Variants in KIF5C observed in about 807,000 individuals in gnomAD.
The protein encoded by KIF5C is kinesin family member 5C.
KIF5C carries 18 observed loss-of-function variants against 125.2 expected under a neutral mutation model. That is an observed-to-expected ratio of 0.14 (90% confidence interval 0.10 to 0.21). The LOEUF is 0.21. Among genes scored for constraint, KIF5C ranks in the 10% least tolerant of loss-of-function variants. The pLI, the probability that KIF5C is intolerant of heterozygous loss-of-function variation, is 1.00. For synonymous variants in KIF5C, 405 were observed against 434.0 expected (o/e 0.93, Z 0.83); for missense variants, 780 against 1,183.8 (o/e 0.66, Z 5.01).
At chr2:149,008,535 C>A (rs1682080635) in intron 23 of KIF5C, among the ~76,000 whole-genome samples, 1 of 152,168 alleles carries the variant, frequency 6.6e-6, no homozygotes, top group Non-Finnish European at 1.5e-5. Context: ...GGAACCAGCA[C>A]CCTCTCTGCT....
rs185400641 is a variant in KIF5C at position 148,975,940 on chromosome 2, G to A, written c.1293+2429G>A. Among the ~76,000 whole-genome samples, 4 of 152,238 alleles carry A rather than the reference G, an allele frequency of 2.6e-5. No individual in the cohort carries two copies. In the East Asian group the frequency reaches 5.8e-4, roughly 22 times the overall value. Reference sequence around the variant, plus strand: ...TTAGCTTCCTTCTTTCTCCTGGGCTGGGCTGGGCTCTGCTTACTTCCGTGT... The same window carrying A: ...TTAGCTTCCTTCTTTCTCCTGGGCTAGGCTGGGCTCTGCTTACTTCCGTGT... On this transcript the variant is annotated intron_variant, in intron 12 of 25. Coordinates refer to ENST00000435030, the MANE Select transcript of KIF5C (RefSeq NM_004522.3).
At chr2:148,956,756 T>C (rs1682801300) in intron 10 of KIF5C, among the ~76,000 whole-genome samples, 1 of 152,208 alleles carries the variant, frequency 6.6e-6, no homozygotes, top group South Asian at 2.1e-4. Flanking sequence ...TTTTGCTCAG[T>C]TCCTGCTGCG....
intron 1 of KIF5C, among the ~76,000 whole-genome samples, chr2:148,918,390 C>T (rs1033521532): frequency 2.0e-5 from 3 of 152,092 alleles, no homozygotes; most frequent in Non-Finnish European, 4.4e-5. Flanking sequence ...TGGTAAAATG[C>T]TATAATTGTA....
At chr2:148,972,965 T>C (rs1255035944) in intron 11 of KIF5C, among the ~76,000 whole-genome samples, 1 of 152,178 alleles carries the variant, frequency 6.6e-6, no homozygotes, top group Non-Finnish European at 1.5e-5. Flanking sequence ...TAGAGGTCTG[T>C]TTCCTTTTTA....
chr2:148,888,353 C>T (rs1256844169), intron 1 of KIF5C: 2 of 152,244 alleles, frequency 1.3e-5, no homozygotes, highest in Non-Finnish European at 2.9e-5. Context: ...ATGCATTTCC[C>T]TTTAGCACCA....
Position 148,962,125 on chromosome 2 carries a change from G to GA in KIF5C, c.1117+10dup. On this transcript the variant is annotated splice_region_variant and intron_variant, in intron 11 of 25. Coordinates refer to ENST00000435030, the MANE Select transcript of KIF5C (RefSeq NM_004522.3). ...GCTAAACAGGTGGAGGAATGGTAAGGAAAAGTAAGGAGGAAGAGTGAGGCA... is the reference window on the plus strand; with the variant it reads ...GCTAAACAGGTGGAGGAATGGTAAGGAAAAAGTAAGGAGGAAGAGTGAGGCA... The GA allele has an allele frequency of 6.3e-7, 1 of 1,596,756 alleles. No homozygotes were observed.
Position 148,973,323 on chromosome 2 carries a change from C to G in KIF5C, c.1118-13C>G, listed in dbSNP as rs773652827. On this transcript the variant is annotated splice_polypyrimidine_tract_variant and intron_variant, in intron 11 of 25. Coordinates refer to ENST00000435030, the MANE Select transcript of KIF5C (RefSeq NM_004522.3). ...TTCTTTAATCCCCAACTCTGCTCGG[C>G]TATGTTTTGCAGGAGAAGCTGTGCC... The G allele has an allele frequency of 6.2e-7, 1 of 1,605,984 alleles. No individual in the cohort carries two copies. The highest frequency in any genetic ancestry group is 8.5e-7 in the Non-Finnish European group (1 of 1,177,176).
intron 19 of KIF5C, chr2:149,000,015 A>C (rs912358487): frequency 6.2e-6 from 1 of 161,540 alleles, no homozygotes; most frequent in African/African-American, 2.4e-5. Flanking sequence ...TTTTTAGAAC[A>C]TCAGACCAGA....
In KIF5C at chr2:149,018,474, C is replaced by T. The variant is rs543131263; in HGVS notation, c.*8-4604C>T. 1.1e-3 allele frequency among the ~76,000 whole-genome samples: 166 copies of T among 152,154 alleles called. 2 individuals are homozygous for T. Among genetic ancestry groups the T allele is most frequent in the African/African-American group, 3.6e-3 (149 of 41,502 alleles). ...TGAGTGGTAGATCCTGGGCTAAGAG[C>T]GATGATCTTCTCTGCAACAGTTCTC... On this transcript the variant is annotated intron_variant, in intron 25 of 25. Transcript: ENST00000435030.
In KIF5C at chr2:149,026,333, C is replaced by T. The variant is rs80308283; in HGVS notation, c.*3263C>T. The stretch of plus-strand genomic sequence containing the variant: ...GCTGGATAACTGCCGAAGTAAGCGC[C>T]GCTCCATGAAGTCTGCTTACTTATT... On this transcript the variant is annotated 3_prime_UTR_variant, in exon 26 of 26. Transcript: ENST00000435030. 2.6e-5 allele frequency: 4 copies of T among 152,270 alleles called. No individual in the cohort carries two copies. Among genetic ancestry groups the T allele is most frequent in the Admixed American group, 6.5e-5 (1 of 15,288 alleles). The allele number at this position is 152,270 out of a possible 1,614,324, so 9.4% of individuals were successfully genotyped here.
At chr2:148,965,213 C>T (rs961788844) in intron 11 of KIF5C, among the ~76,000 whole-genome samples, 3 of 151,988 alleles carry the variant, frequency 2.0e-5, no homozygotes, top group African/African-American at 4.8e-5. Context: ...GAAGTTAGGT[C>T]TGAGGGTCTG....
intron 16 of KIF5C, among the ~76,000 whole-genome samples, chr2:148,993,837 A>C (rs771890681): frequency 2.0e-5 from 3 of 152,180 alleles, no homozygotes; most frequent in Non-Finnish European, 2.9e-5. Flanking sequence ...AAGACAAATG[A>C]TGTAGACATT....
chr2:148,907,266 C>T (rs891273847), intron 1 of KIF5C, among the ~76,000 whole-genome samples: 2 of 152,188 alleles, frequency 1.3e-5, no homozygotes, highest in Non-Finnish European at 2.9e-5. Context: ...GGGGAAGTGA[C>T]GTCACCTCCA....
chr2:148,915,123 A>C (rs955822986), intron 1 of KIF5C, among the ~76,000 whole-genome samples: 1 of 152,164 alleles, frequency 6.6e-6, no homozygotes, highest in African/African-American at 2.4e-5. Flanking sequence ...GTAGAAAGAC[A>C]TAGTGACTTC....
chr2:148,937,252 T>C (rs972079013), intron 3 of KIF5C, 32 bp from the exon 4 acceptor site: 1 of 1,559,382 alleles, frequency 6.4e-7, no homozygotes. Context: ...CAGCATGCTT[T>C]AACTGCCCGT....
intron 25 of KIF5C, among the ~76,000 whole-genome samples, chr2:149,017,074 C>T (rs1407582854): frequency 2.0e-5 from 3 of 152,104 alleles, no homozygotes; most frequent in African/African-American, 7.2e-5. Context: ...ATGGACTAGA[C>T]AGACTAGGTG....
intron 21 of KIF5C, among the ~76,000 whole-genome samples, chr2:149,002,366 C>T (rs1681875972): frequency 6.6e-6 from 1 of 152,184 alleles, no homozygotes; most frequent in South Asian, 2.1e-4. Context: ...ATCACACACT[C>T]ACACCGGGGC....
chr2:149,018,338 C>T (rs1682429990), intron 25 of KIF5C, among the ~76,000 whole-genome samples: 2 of 152,258 alleles, frequency 1.3e-5, no homozygotes, highest in South Asian at 4.1e-4. Flanking sequence ...AGCCTAGTGC[C>T]TGGCACTGAA....
chr2:148,907,430 C>A (rs1374265837), intron 1 of KIF5C, among the ~76,000 whole-genome samples: 1 of 152,258 alleles, frequency 6.6e-6, no homozygotes, highest in African/African-American at 2.4e-5. Context: ...GCCCAGCACA[C>A]TGCATGACCA....
Sources: gnomAD v4.1 joint callset for allele counts (sites outside exome capture counted in the v4.1 genomes callset) on GRCh38, gnomAD v4.1.1 for gene constraint, MANE v1.5 for transcripts, NCBI Gene and HGNC (gene_info 2026-07-23, HGNC 2026-07-21) for gene names.